The following APBB2 variants were observed in gnomAD, a reference collection of about 807,000 sequenced individuals.
APBB2 encodes the protein amyloid beta precursor protein binding family B member 2, also known as Fe65-like 1.
APBB2 carries 38 observed loss-of-function variants against 82.5 expected under a neutral mutation model. The ratio of observed to expected loss-of-function variants is 0.46; its 90% CI spans 0.36 to 0.60. The LOEUF is 0.60. Among genes scored for constraint, APBB2 ranks in the 20% least tolerant of loss-of-function variants. APBB2 has a pLI of 0.00. For missense variants in APBB2, 772 were observed against 972.3 expected, an observed-to-expected ratio of 0.79 and a Z score of 2.74; for synonymous variants, 341 against 368.2, an observed-to-expected ratio of 0.93 and a Z score of 0.85.
chr4:41,175,674 G>GT (rs1254150823), intron 1 of APBB2, among the ~76,000 whole-genome samples: 5 of 152,112 alleles, frequency 3.3e-5, no homozygotes, highest in Middle Eastern at 6.8e-3. Flanking sequence ...AGAAATGAAT[G>GT]TTTTTTAATT....
chr4:40,849,860 T>C (rs1006940984), intron 12 of APBB2, among the ~76,000 whole-genome samples: 42 of 148,304 alleles, frequency 2.8e-4, no homozygotes, highest in African/African-American at 9.8e-4. Context: ...CTCGAGTAGC[T>C]GAGATTACTC....
At chr4:40,947,325 T>G (rs977302000) in intron 6 of APBB2, among the ~76,000 whole-genome samples, 4 of 152,210 alleles carry the variant, frequency 2.6e-5, no homozygotes, top group African/African-American at 9.6e-5. Context: ...AGTTACCATT[T>G]CTGTGGTTTA....
chr4:41,210,313 C>T (rs1779016332), intron 1 of APBB2, among the ~76,000 whole-genome samples: 1 of 152,180 alleles, frequency 6.6e-6, no homozygotes, highest in Admixed American at 6.5e-5. Flanking sequence ...GACTGCAGCT[C>T]TCTCATTTTA....
At chr4:40,953,038 T>C (rs190205423) in intron 6 of APBB2, among the ~76,000 whole-genome samples, 1 of 152,270 alleles carries the variant, frequency 6.6e-6, no homozygotes, top group East Asian at 1.9e-4. Context: ...TTCACGCCTG[T>C]AATTCCAGCA....
intron 2 of APBB2, among the ~76,000 whole-genome samples, chr4:41,115,266 C>T (rs1018708164): frequency 2.0e-5 from 3 of 152,108 alleles, no homozygotes; most frequent in African/African-American, 7.2e-5. Flanking sequence ...AACTGGCTAG[C>T]CATATGCAGA....
chr4:41,027,399 A>ATATATATATATG (rs1344274229), intron 5 of APBB2, among the ~76,000 whole-genome samples: 2 of 115,096 alleles, frequency 1.7e-5, no homozygotes, highest in Non-Finnish European at 3.8e-5. Context: ...ATATATATAT[A>ATATATATATATG]TATATAACAT....
intron 4 of APBB2, among the ~76,000 whole-genome samples, chr4:41,049,004 G>C (rs1156971407): frequency 2.6e-5 from 4 of 152,048 alleles, no homozygotes; most frequent in East Asian, 1.9e-4. Context: ...GCGTGATCTC[G>C]GCTAGCTACA....
intron 2 of APBB2, among the ~76,000 whole-genome samples, chr4:41,126,151 C>T (rs1026164537): frequency 2.0e-5 from 3 of 149,174 alleles, no homozygotes; most frequent in African/African-American, 7.5e-5. Flanking sequence ...AGGCAGAGAC[C>T]GGGGGAATGC....
At chr4:40,865,004 A>G (rs1246397441) in intron 12 of APBB2, among the ~76,000 whole-genome samples, 2 of 151,916 alleles carry the variant, frequency 1.3e-5, no homozygotes, top group African/African-American at 2.4e-5. Context: ...GATTACAGGC[A>G]TGTGCCACCA....
chr4:41,142,262 A>G (rs1759458657), intron 2 of APBB2, among the ~76,000 whole-genome samples: 1 of 152,188 alleles, frequency 6.6e-6, no homozygotes, highest in African/African-American at 2.4e-5. Context: ...CCTGTATAAT[A>G]TATGTTTTCA....
At chr4:41,126,465 C>T (rs943274237) in intron 2 of APBB2, among the ~76,000 whole-genome samples, 7 of 152,220 alleles carry the variant, frequency 4.6e-5, no homozygotes, top group Middle Eastern at 3.4e-3. Flanking sequence ...AGTTACCTGG[C>T]GACCCTGTGA....
chr4:41,085,013 G>A (rs537229220), intron 3 of APBB2, among the ~76,000 whole-genome samples: 39 of 152,258 alleles, frequency 2.6e-4, no homozygotes, highest in African/African-American at 9.1e-4. Flanking sequence ...CACTTTGGGA[G>A]GCCAAGGCAG....
intron 10 of APBB2, among the ~76,000 whole-genome samples, chr4:40,918,738 CTCCT>C (rs1296152780): frequency 2.0e-4 from 30 of 149,918 alleles, no homozygotes; most frequent in African/African-American, 7.4e-4. Context: ...CCCTCCCTCC[CTCCT>C]TCCTTATTTT....
intron 12 of APBB2, among the ~76,000 whole-genome samples, chr4:40,858,883 ACTGT>A (rs1316719025): frequency 6.6e-6 from 1 of 152,204 alleles, no homozygotes; most frequent in Non-Finnish European, 1.5e-5. Context: ...GGCAACCACA[ACTGT>A]CTGGAACACA....
intron 2 of APBB2, among the ~76,000 whole-genome samples, chr4:41,106,612 G>A (rs1747334900): frequency 1.3e-5 from 2 of 152,084 alleles, no homozygotes; most frequent in South Asian, 4.2e-4. Flanking sequence ...AAGTAGCTGG[G>A]ACTACAGGCG....
At chr4:40,825,215 C>G (rs1156288211) in intron 15 of APBB2, among the ~76,000 whole-genome samples, 1 of 152,206 alleles carries the variant, frequency 6.6e-6, no homozygotes, top group Admixed American at 6.5e-5. Flanking sequence ...AACGTTTTCA[C>G]TTCTCTTGGG....
chr4:40,922,207 C>T (rs1781439870), intron 10 of APBB2, among the ~76,000 whole-genome samples: 1 of 152,234 alleles, frequency 6.6e-6, no homozygotes, highest in Admixed American at 6.5e-5. Flanking sequence ...AGTGCAGTTG[C>T]AAGCTACTTC....
In APBB2 at chr4:40,963,363, C is replaced by G. The variant is rs751360594; in HGVS notation, c.836-18290G>C. Among the ~76,000 whole-genome samples the G allele has an allele frequency of 1.2e-4, 18 of 152,168 alleles. 1 individual carries two copies. The highest frequency in any genetic ancestry group is 3.1e-4 in the African/African-American group (13 of 41,516). On this transcript the variant is annotated intron_variant, in intron 6 of 17. Coordinates refer to ENST00000508593, the MANE Select transcript of APBB2 (RefSeq NM_004307.2). ...CTGGGCTCAAGCGATCTTCCCACCT[C>G]AGCTTCCTGAGTGGCTAGGACCACA... is the stretch of plus-strand genomic sequence containing the variant.
intron 2 of APBB2, among the ~76,000 whole-genome samples, chr4:41,113,164 A>G (rs1749807142): frequency 6.6e-6 from 1 of 152,234 alleles, no homozygotes; most frequent in African/African-American, 2.4e-5. Context: ...CTGAAATTGC[A>G]AAACTAGTAT....
Sources: gnomAD v4.1 joint callset for allele counts (sites outside exome capture counted in the v4.1 genomes callset) on GRCh38, gnomAD v4.1.1 for gene constraint, MANE v1.5 for transcripts, NCBI Gene and HGNC (gene_info 2026-07-23, HGNC 2026-07-21) for gene names.